CATSPERD: variants seen among roughly 807,000 people sequenced by gnomAD.
CATSPERD encodes catsper channel auxiliary subunit delta.
In CATSPERD, 86 loss-of-function variants were observed where a neutral mutation model predicts 98.1. The ratio of observed to expected loss-of-function variants is 0.88; its 90% CI spans 0.74 to 1.05. The LOEUF is 1.05. CATSPERD is among the 50% of genes least tolerant of loss of function. The pLI is 0.00. For synonymous variants in CATSPERD, 394 were observed against 390.2 expected (o/e 1.01, Z -0.12); for missense variants, 995 against 1,005.7 (o/e 0.99, Z 0.14).
chr19:5,770,466 T>G (rs181792157), intron 18 of CATSPERD, among the ~76,000 whole-genome samples: 170 of 150,440 alleles, frequency 1.1e-3, no homozygotes, highest in African/African-American at 4.0e-3. Context: ...CTCGATTACT[T>G]TTGCACTGAT....
At chr19:5,743,648 G>GTCTCTC (rs148496323) in intron 7 of CATSPERD, among the ~76,000 whole-genome samples, 1 of 144,906 alleles carries the variant, frequency 6.9e-6, no homozygotes, top group African/African-American at 2.6e-5. Flanking sequence ...CTCTGTCTCT[G>GTCTCTC]TCTCTCTCTC....
intron 1 of CATSPERD, among the ~76,000 whole-genome samples, chr19:5,724,024 C>G (rs999239803): frequency 6.6e-6 from 1 of 151,748 alleles, no homozygotes; most frequent in Non-Finnish European, 1.5e-5. Flanking sequence ...AAGTCCCAAC[C>G]TCAGGTGATC....
At chr19:5,756,656 A>G (rs2056329173) in intron 13 of CATSPERD, among the ~76,000 whole-genome samples, 1 of 151,976 alleles carries the variant, frequency 6.6e-6, no homozygotes, top group African/African-American at 2.4e-5. Flanking sequence ...TATTAAATGC[A>G]TTTTCAGGCC....
intron 19 of CATSPERD, among the ~76,000 whole-genome samples, chr19:5,771,352 G>A (rs1262178364): frequency 6.6e-6 from 1 of 152,110 alleles, no homozygotes; most frequent in Non-Finnish European, 1.5e-5. Flanking sequence ...GGGCTCAAGC[G>A]ATCCTCCCAC....
intron 7 of CATSPERD, among the ~76,000 whole-genome samples, chr19:5,742,007 G>T (rs1305177859): frequency 4.0e-5 from 6 of 151,130 alleles, no homozygotes; most frequent in Non-Finnish European, 5.9e-5. Context: ...CTGCACTCCA[G>T]CCTGGGTGAC....
At chr19:5,730,608 C>A (rs1176319507) in intron 4 of CATSPERD, among the ~76,000 whole-genome samples, 1 of 151,434 alleles carries the variant, frequency 6.6e-6, no homozygotes, top group Non-Finnish European at 1.5e-5. Context: ...TCTTACTTTA[C>A]ATGCAGTAAT....
intron 21 of CATSPERD, among the ~76,000 whole-genome samples, chr19:5,778,081 C>T (rs1464098308): frequency 6.6e-6 from 1 of 151,460 alleles, no homozygotes; most frequent in East Asian, 1.9e-4. Context: ...TTGGCAGGTG[C>T]CTGTAATCCC....
rs370179374 is a variant in CATSPERD at position 5,772,792 on chromosome 19, C to T, written c.1768C>T (p.Arg590Ter). The T allele has an allele frequency of 3.3e-5, 54 of 1,613,072 alleles. No individual in the cohort carries two copies. Among genetic ancestry groups the T allele is most frequent in the Non-Finnish European group, 4.2e-5 (49 of 1,179,544 alleles). The change falls in exon 20 of 22, where the codon CGA (arginine) becomes TGA (stop). Residue 590 changes from arginine to a stop codon, truncating the protein, a stop_gained. Coordinates refer to ENST00000381624, the MANE Select transcript of CATSPERD (RefSeq NM_152784.4). LOFTEE classifies it high-confidence loss of function. The stretch of plus-strand genomic sequence containing the variant: ...TGCCCCGTGCCTGTGTCCTAGGTGG[C>T]GAAAAGACAGTTTCCAGGAGGTCAT... ...TLWKPVVELW[R>*]KDSFQEVIDA... is the part of the protein sequence containing the mutation.
chr19:5,768,601 G>A (rs562419198), intron 18 of CATSPERD, among the ~76,000 whole-genome samples: 46 of 151,948 alleles, frequency 3.0e-4, no homozygotes, highest in African/African-American at 1.1e-3. Context: ...CTCCCAAAGT[G>A]CTGGGATTAC....
At chr19:5,729,206 C>T (rs1358842944) in intron 3 of CATSPERD, among the ~76,000 whole-genome samples, 1 of 151,992 alleles carries the variant, frequency 6.6e-6, no homozygotes, top group Non-Finnish European at 1.5e-5. Flanking sequence ...GGCGATTCTC[C>T]TGCCTCAGCC....
At position 5,759,287 on chromosome 19, in the gene CATSPERD, C is replaced by A. The variant is rs1037462435; in HGVS notation, c.1427+143C>A. ...ATTACAACACTTTACAAGAGCTGGG[C>A]GCGGTGGCTCACGCCTGCAATCCCA... is the stretch of plus-strand genomic sequence containing the variant. On this transcript the variant is annotated intron_variant, in intron 15 of 21. Transcript: ENST00000381624. 4 of 792,698 alleles carry A rather than the reference C, an allele frequency of 5.0e-6. No individual in the cohort carries two copies. In the East Asian group the frequency reaches 7.8e-5, roughly 15 times the overall value. 49.1% of individuals were successfully genotyped at this position (792,698 alleles called of 1,614,324 possible).
rs1209831317 is a variant in CATSPERD at position 5,775,806 on chromosome 19, G to A, written c.1942-355G>A. 3.3e-5 allele frequency among the ~76,000 whole-genome samples: 5 copies of A among 152,096 alleles called. No individual in the cohort carries two copies. The East Asian group carries it at 5.8e-4, about 18-fold the overall frequency. The stretch of plus-strand genomic sequence containing the variant: ...GAAACACTGTGCCTGGCTCGTGACC[G>A]CCCTCAGCATTCCTTCTGGGCGGCA... On this transcript the variant is annotated intron_variant, in intron 20 of 21. Transcript: ENST00000381624.
At chr19:5,760,901 A>C (rs1251120188) in intron 15 of CATSPERD, among the ~76,000 whole-genome samples, 1 of 151,932 alleles carries the variant, frequency 6.6e-6, no homozygotes, top group Non-Finnish European at 1.5e-5. Context: ...CAATAGAGCA[A>C]GACCCTGACC....
chr19:5,738,267 C>A (rs763822500), intron 6 of CATSPERD, among the ~76,000 whole-genome samples: 2 of 149,382 alleles, frequency 1.3e-5, no homozygotes, highest in Non-Finnish European at 3.0e-5. Context: ...ATTAGCCAGG[C>A]GTGCTGGCAG....
rs2055942041 is a variant in CATSPERD, at chr19:5,740,651, C to G, written c.573+1212C>G. ...GTGTATTGGCGGACGCCTGTAATCC[C>G]AGCTATCGGGAGGCTGAGGCAGGAG... On this transcript the variant is annotated intron_variant, in intron 7 of 21. Coordinates refer to ENST00000381624, the MANE Select transcript of CATSPERD (RefSeq NM_152784.4). Among the ~76,000 whole-genome samples the G allele has an allele frequency of 3.3e-5, 5 of 149,776 alleles. 1 individual carries two copies. The South Asian group carries it at 1.1e-3, about 32-fold the overall frequency.
chr19:5,759,282 C>T (rs1294568360), intron 15 of CATSPERD, 138 bp downstream of exon 15: 1 of 834,876 alleles, frequency 1.2e-6, no homozygotes, highest in Admixed American at 2.0e-5. Flanking sequence ...TTTACAAGAG[C>T]TGGGCGCGGT....
chr19:5,727,443 C>A, intron 3 of CATSPERD, 99 bp downstream of exon 3: 1 of 899,016 alleles, frequency 1.1e-6, no homozygotes, highest in Non-Finnish European at 1.8e-6. Flanking sequence ...GATGGCTCTG[C>A]CGTGTGTTGC....
intron 1 of CATSPERD, 58 bp downstream of exon 1, chr19:5,720,866 T>A: frequency 6.8e-7 from 1 of 1,466,748 alleles, no homozygotes; most frequent in Non-Finnish European, 9.2e-7. Context: ...AGGGTGCTGG[T>A]TCATCTTGGA....
At position 5,726,195 on chromosome 19, in the gene CATSPERD, G is replaced by A. The variant is rs144443855; in HGVS notation, c.127-1073G>A. ...TCCTGCCTCAGCCTCCCAAGTAGCT[G>A]GGATTACAGGCGTGCGCCACCACAC... is the stretch of plus-strand genomic sequence containing the variant. On this transcript the variant is annotated intron_variant, in intron 2 of 21. Transcript: ENST00000381624. Among the ~76,000 whole-genome samples the A allele has an allele frequency of 6.4e-3, 974 of 151,508 alleles. 8 individuals are homozygous for A. The highest frequency in any genetic ancestry group is 0.023 in the African/African-American group (941 of 41,346).
Sources: gnomAD v4.1 joint callset for allele counts (sites outside exome capture counted in the v4.1 genomes callset) on GRCh38, gnomAD v4.1.1 for gene constraint, MANE v1.5 for transcripts, NCBI Gene and HGNC (gene_info 2026-07-23, HGNC 2026-07-21) for gene names.